The following PARD3B variants were observed in gnomAD, a reference collection of about 807,000 sequenced individuals.
The protein encoded by PARD3B is par-3 family cell polarity regulator beta.
A neutral mutation model predicts 130.2 loss-of-function variants in PARD3B; 103 were observed. The ratio of observed to expected loss-of-function variants is 0.79; its 90% CI spans 0.67 to 0.93. PARD3B has a LOEUF of 0.93. PARD3B is among the 40% of genes least tolerant of loss of function. The pLI is 0.00. For synonymous variants in PARD3B, 583 were observed against 553.2 expected (o/e 1.05, Z -0.76); for missense variants, 1,609 against 1,499.2 (o/e 1.07, Z -1.21).
chr2:205,172,405 C>T, intron 12 of PARD3B, 24 bp downstream of exon 12: 2 of 1,602,428 alleles, frequency 1.2e-6, no homozygotes, highest in African/African-American at 1.3e-5. Context: ...TGATTCTCCT[C>T]AGCCAGTTGC....
intron 1 of PARD3B, among the ~76,000 whole-genome samples, chr2:204,640,418 G>A (rs185046923): frequency 1.2e-3 from 172 of 145,944 alleles, no homozygotes; most frequent in African/African-American, 4.3e-3. Flanking sequence ...CAATGGGGGA[G>A]AGCAGTCAGA....
intron 1 of PARD3B, among the ~76,000 whole-genome samples, chr2:204,563,139 T>C (rs891795273): frequency 6.6e-6 from 1 of 152,094 alleles, no homozygotes; most frequent in Non-Finnish European, 1.5e-5. Context: ...TTCCAGCTTC[T>C]GGCAGCCCAG....
intron 22 of PARD3B, among the ~76,000 whole-genome samples, chr2:205,587,839 C>T (rs2054252629): frequency 6.6e-6 from 1 of 152,204 alleles, no homozygotes; most frequent in African/African-American, 2.4e-5. Flanking sequence ...TTCCCAGCTT[C>T]CCATTTATAG....
intron 2 of PARD3B, among the ~76,000 whole-genome samples, chr2:204,897,734 G>A (rs1490462242): frequency 6.6e-6 from 1 of 152,030 alleles, no homozygotes; most frequent in Non-Finnish European, 1.5e-5. Context: ...ACTTAATACT[G>A]AGATTAGTTC....
At chr2:205,092,028 G>A (rs550423721) in intron 4 of PARD3B, among the ~76,000 whole-genome samples, 41 of 152,184 alleles carry the variant, frequency 2.7e-4, no homozygotes, top group African/African-American at 7.9e-4. Flanking sequence ...TTGAATTCCC[G>A]TGTTCAATTT....
At chr2:205,335,510 C>G (rs2043279543) in intron 18 of PARD3B, among the ~76,000 whole-genome samples, 1 of 152,122 alleles carries the variant, frequency 6.6e-6, no homozygotes, top group Non-Finnish European at 1.5e-5. Context: ...AGAGCTTTGG[C>G]ACCAAGAGGC....
At chr2:204,583,223 C>G (rs573947588) in intron 1 of PARD3B, among the ~76,000 whole-genome samples, 51 of 112,660 alleles carry the variant, frequency 4.5e-4, no homozygotes, top group Non-Finnish European at 7.4e-4. Context: ...TTGGAACCAA[C>G]CCAAATGTCC....
At chr2:204,980,391 G>A (rs1423409146) in intron 3 of PARD3B, among the ~76,000 whole-genome samples, 1 of 152,176 alleles carries the variant, frequency 6.6e-6, no homozygotes, top group Non-Finnish European at 1.5e-5. Flanking sequence ...GGTAAGGGTA[G>A]GAGTTGACAA....
chr2:205,145,778 A>C (rs1319492890), intron 10 of PARD3B, among the ~76,000 whole-genome samples: 1 of 151,188 alleles, frequency 6.6e-6, no homozygotes, highest in African/African-American at 2.5e-5. Flanking sequence ...CTCCCTCTCA[A>C]AGACTCTGAA....
chr2:204,622,625 T>C (rs1338621064), intron 1 of PARD3B, among the ~76,000 whole-genome samples: 2 of 151,970 alleles, frequency 1.3e-5, no homozygotes, highest in African/African-American at 2.4e-5. Flanking sequence ...TATATAGCCG[T>C]ATTTATGATG....
intron 21 of PARD3B, among the ~76,000 whole-genome samples, chr2:205,517,885 G>A (rs1307769597): frequency 6.6e-6 from 1 of 152,092 alleles, no homozygotes; most frequent in East Asian, 1.9e-4. Flanking sequence ...CCATCTAATT[G>A]CAAGTTTTTG....
chr2:204,650,379 C>T (rs977279641), intron 1 of PARD3B, among the ~76,000 whole-genome samples: 4 of 152,160 alleles, frequency 2.6e-5, no homozygotes, highest in African/African-American at 9.7e-5. Context: ...CCATTCAACC[C>T]AGCAATCTCA....
At chr2:205,368,982 T>G (rs1239646452) in intron 18 of PARD3B, among the ~76,000 whole-genome samples, 1 of 151,978 alleles carries the variant, frequency 6.6e-6, no homozygotes, top group East Asian at 1.9e-4. Context: ...GTACTTCAGT[T>G]CTTTTTCCTG....
chr2:204,732,113 G>A (rs2039536405), intron 2 of PARD3B, among the ~76,000 whole-genome samples: 1 of 150,728 alleles, frequency 6.6e-6, no homozygotes, highest in African/African-American at 2.4e-5. Flanking sequence ...AAAAGTGAAA[G>A]TGTGTCCAGC....
intron 2 of PARD3B, among the ~76,000 whole-genome samples, chr2:204,922,907 A>G (rs932408544): frequency 1.3e-5 from 2 of 152,094 alleles, no homozygotes; most frequent in African/African-American, 4.8e-5. Flanking sequence ...TGAGTTCATA[A>G]ACGATATAAC....
chr2:205,101,272 A>G (rs1221159730), intron 4 of PARD3B, among the ~76,000 whole-genome samples: 1 of 152,160 alleles, frequency 6.6e-6, no homozygotes, highest in Non-Finnish European at 1.5e-5. Context: ...CTTTATACCC[A>G]TTAGGATGAA....
At chr2:205,254,088 T>TAAAAAAA (rs11287171) in intron 16 of PARD3B, among the ~76,000 whole-genome samples, 2 of 75,972 alleles carry the variant, frequency 2.6e-5, no homozygotes, top group Non-Finnish European at 5.2e-5. Context: ...GTAGAGAAAT[T>TAAAAAAA]AAAAAAAAAA....
chr2:205,529,550 C>T (rs9288367), intron 21 of PARD3B, among the ~76,000 whole-genome samples: 132,479 of 151,974 alleles, frequency 0.87, 59,309 homozygotes, highest in Non-Finnish European at 0.97. Flanking sequence ...GAAAACGTTA[C>T]GTAAAAGCTG....
rs529848209 is a variant in PARD3B at position 205,516,178 on chromosome 2, TG to T, written c.3180+16148del. Among the ~76,000 whole-genome samples the T allele has an allele frequency of 4.4e-4, 67 of 152,326 alleles. No individual in the cohort carries two copies. In the Middle Eastern group the frequency reaches 0.014, roughly 31 times the overall value. ...TGTGCCTGGTTTTGTACCAGTACCA[TG>T]CTGTTTTGGTTACCATGGCCCTGTA... On this transcript the variant is annotated intron_variant, in intron 21 of 22. Coordinates refer to ENST00000406610, the MANE Select transcript of PARD3B (RefSeq NM_001302769.2).
Sources: gnomAD v4.1 joint callset for allele counts (sites outside exome capture counted in the v4.1 genomes callset) on GRCh38, gnomAD v4.1.1 for gene constraint, MANE v1.5 for transcripts, NCBI Gene and HGNC (gene_info 2026-07-23, HGNC 2026-07-21) for gene names.